CSMD1: variants seen among roughly 807,000 people sequenced by gnomAD.
CSMD1 encodes the protein CUB and sushi domain-containing protein 1.
CSMD1 carries 213 observed loss-of-function variants against 417.5 expected under a neutral mutation model. The ratio of observed to expected loss-of-function variants is 0.51; its 90% CI spans 0.46 to 0.57. The LOEUF is 0.57. Among genes scored for constraint, CSMD1 ranks in the 20% least tolerant of loss-of-function variants. The probability of loss-of-function intolerance (pLI) is 0.00; values close to 1 mark genes in which losing one functional copy is unlikely to be tolerated. For synonymous variants in CSMD1, 2,862 were observed against 1,736.8 expected, an observed-to-expected ratio of 1.65 and a Z score of -16.11; for missense variants, 6,923 against 4,529.7, an observed-to-expected ratio of 1.53 and a Z score of -15.17.
chr8:2,976,105 G>C (rs1474622633), intron 55 of CSMD1, among the ~76,000 whole-genome samples: 1 of 152,038 alleles, frequency 6.6e-6, no homozygotes, highest in African/African-American at 2.4e-5. Context: ...ATAAGGCTGA[G>C]AATTTTTTTG....
intron 26 of CSMD1, among the ~76,000 whole-genome samples, chr8:3,263,381 G>A (rs910744747): frequency 2.0e-5 from 3 of 152,320 alleles, no homozygotes; most frequent in East Asian, 3.9e-4. Flanking sequence ...TTACAGGCAT[G>A]AGCCACCGTG....
intron 11 of CSMD1, among the ~76,000 whole-genome samples, chr8:3,491,062 G>T (rs557829687): frequency 3.9e-4 from 59 of 152,168 alleles, no homozygotes; most frequent in African/African-American, 1.4e-3. Flanking sequence ...GTTCCTGAAG[G>T]TATAGCAAAA....
intron 5 of CSMD1, among the ~76,000 whole-genome samples, chr8:3,976,785 T>A (rs188852431): frequency 6.6e-6 from 1 of 152,208 alleles, no homozygotes. Flanking sequence ...TCAGGCTGAA[T>A]GCTGCTCAAG....
chr8:4,017,586 G>A lies in CSMD1; in HGVS notation c.610+14319C>T, dbSNP rs372951576. ...CTCCCAAAGTGCTGGAATTACAGGCGTGAGCCACCGTGCCCAGCTGCCACC... is the reference window on the plus strand; with the variant it reads ...CTCCCAAAGTGCTGGAATTACAGGCATGAGCCACCGTGCCCAGCTGCCACC... On this transcript the variant is annotated intron_variant, in intron 4 of 69. Coordinates refer to ENST00000635120, the MANE Select transcript of CSMD1 (RefSeq NM_033225.6). Among the ~76,000 whole-genome samples, 261 of 152,240 alleles carry A rather than the reference G, an allele frequency of 1.7e-3. 1 individual carries two copies. The highest frequency in any genetic ancestry group is 6.8e-3 in the Middle Eastern group (2 of 294).
chr8:4,318,094 T>G lies in CSMD1; in HGVS notation c.415+101859A>C, dbSNP rs150224389. Among the ~76,000 whole-genome samples the G allele has an allele frequency of 6.0e-3, 914 of 152,296 alleles. 9 individuals carry two copies. The highest frequency in any genetic ancestry group is 0.059 in the South Asian group (283 of 4,830). ...AGTGTGACATTTAGTTTAGCCTGTCTGTAAAGCTGTACCCATTCCAAAATT... is the reference window on the plus strand; with the variant it reads ...AGTGTGACATTTAGTTTAGCCTGTCGGTAAAGCTGTACCCATTCCAAAATT... On this transcript the variant is annotated intron_variant, in intron 3 of 69. Coordinates refer to ENST00000635120, the MANE Select transcript of CSMD1 (RefSeq NM_033225.6).
chr8:4,621,332 C>G (rs1014523566), intron 2 of CSMD1, among the ~76,000 whole-genome samples: 1 of 151,986 alleles, frequency 6.6e-6, no homozygotes, highest in African/African-American at 2.4e-5. Context: ...GTGGAATTTT[C>G]CACTTATGAT....
intron 10 of CSMD1, among the ~76,000 whole-genome samples, chr8:3,558,064 A>G (rs1799237893): frequency 6.7e-6 from 1 of 150,174 alleles, no homozygotes; most frequent in Admixed American, 6.6e-5. Context: ...TCTGATGATG[A>G]ATAGTGCCTC....
intron 54 of CSMD1, among the ~76,000 whole-genome samples, chr8:2,979,761 T>G (rs766656823): frequency 2.0e-5 from 3 of 152,216 alleles, no homozygotes; most frequent in South Asian, 4.1e-4. Flanking sequence ...AGTAGAATAA[T>G]GTTCTATGCT....
At position 4,178,185 on chromosome 8, in the gene CSMD1, G is replaced by C. The variant is rs544423996; in HGVS notation, c.416-146086C>G. On this transcript the variant is annotated intron_variant, in intron 3 of 69. Transcript: ENST00000635120. ...AGATTGATGCAGAAACCCTCAATAC[G>C]ATACTGGCAGACCGAATCCAGCAGC... Among the ~76,000 whole-genome samples, 203 of 152,124 alleles carry C rather than the reference G, an allele frequency of 1.3e-3. 4 individuals carry two copies. The highest frequency in any genetic ancestry group is 4.6e-3 in the African/African-American group (192 of 41,492).
chr8:3,028,760 G>A (rs1041495963), intron 51 of CSMD1, among the ~76,000 whole-genome samples: 4 of 152,006 alleles, frequency 2.6e-5, no homozygotes, highest in African/African-American at 9.7e-5. Context: ...ATAATTTTCT[G>A]TGAACAATCA....
intron 5 of CSMD1, among the ~76,000 whole-genome samples, chr8:3,928,030 A>G (rs192215975): frequency 6.6e-6 from 1 of 152,284 alleles, no homozygotes; most frequent in East Asian, 1.9e-4. Context: ...TTGATGAACA[A>G]TTATAGCATC....
At chr8:4,119,970 G>C (rs891585176) in intron 3 of CSMD1, among the ~76,000 whole-genome samples, 6 of 152,106 alleles carry the variant, frequency 3.9e-5, no homozygotes, top group South Asian at 2.1e-4. Context: ...TAGTTTAAAA[G>C]AATGAATAAG....
At chr8:3,501,879 G>A (rs1436456006) in intron 10 of CSMD1, among the ~76,000 whole-genome samples, 1 of 152,124 alleles carries the variant, frequency 6.6e-6, no homozygotes, top group Non-Finnish European at 1.5e-5. Flanking sequence ...TAATGATAAG[G>A]AGACAAACTG....
chr8:2,981,307 G>A (rs993665310), intron 54 of CSMD1, among the ~76,000 whole-genome samples: 1 of 152,142 alleles, frequency 6.6e-6, no homozygotes, highest in African/African-American at 2.4e-5. Flanking sequence ...TTCCTATCCA[G>A]GGATCTGATG....
rs141640465 is a variant in CSMD1 at position 3,069,166 on chromosome 8, T to G, written c.7475-16519A>C. Among the ~76,000 whole-genome samples the G allele has an allele frequency of 3.2e-3, 480 of 152,204 alleles. 4 individuals carry two copies. Among genetic ancestry groups the G allele is most frequent in the African/African-American group, 8.9e-3 (371 of 41,552 alleles). ...GAGAAAGGGGCTGGGCCGGGCGCAG[T>G]GACTCACACCTGTAATCTCAGCACT... is the stretch of plus-strand genomic sequence containing the variant. On this transcript the variant is annotated intron_variant, in intron 49 of 69. Coordinates refer to ENST00000635120, the MANE Select transcript of CSMD1 (RefSeq NM_033225.6).
intron 63 of CSMD1, among the ~76,000 whole-genome samples, chr8:2,956,250 T>C (rs890498422): frequency 1.2e-4 from 19 of 152,072 alleles, no homozygotes; most frequent in Non-Finnish European, 2.8e-4. Flanking sequence ...TAATTAATTA[T>C]TTTGATAAAA....
chr8:4,286,273 T>C (rs1797050639), intron 3 of CSMD1, among the ~76,000 whole-genome samples: 2 of 152,154 alleles, frequency 1.3e-5, no homozygotes, highest in Non-Finnish European at 2.9e-5. Context: ...TCTCACTTGC[T>C]TCTACTTAGT....
chr8:4,686,668 G>T (rs1806406065), intron 1 of CSMD1, among the ~76,000 whole-genome samples: 1 of 152,118 alleles, frequency 6.6e-6, no homozygotes, highest in Non-Finnish European at 1.5e-5. Flanking sequence ...TGTTGCTCTG[G>T]GTTTTCATTT....
chr8:4,441,371 C>G (rs1363059509), intron 2 of CSMD1, among the ~76,000 whole-genome samples: 3 of 150,822 alleles, frequency 2.0e-5, no homozygotes, highest in South Asian at 2.1e-4. Flanking sequence ...TCTGAGCCTC[C>G]TAAAGTGCTG....
Sources: allele counts gnomAD v4.1 joint callset (sites outside exome capture counted in the v4.1 genomes callset), GRCh38; gene constraint gnomAD v4.1.1; transcripts MANE v1.5; gene names NCBI Gene and HGNC (gene_info 2026-07-23, HGNC 2026-07-21).